The following CA8 variants were observed in gnomAD, a reference collection of about 807,000 sequenced individuals.
CA8 encodes the protein carbonic anhydrase 8 (inactive), also known as carbonic anhydrase-related protein.
In CA8, 22 loss-of-function variants were observed where a neutral mutation model predicts 41.4. The observed-to-expected ratio is 0.53, with a 90% CI of 0.38 to 0.76. The LOEUF is 0.76. Ranked by LOEUF, CA8 falls within the 30% of genes least tolerant of loss-of-function variation. CA8 has a pLI of 0.00. For synonymous variants in CA8, 121 were observed against 130.6 expected, an observed-to-expected ratio of 0.93 and a Z score of 0.50; for missense variants, 270 against 352.8, an observed-to-expected ratio of 0.77 and a Z score of 1.88.
intron 4 of CA8, among the ~76,000 whole-genome samples, chr8:60,230,523 A>C (rs1807607032): frequency 1.3e-5 from 2 of 150,964 alleles, no homozygotes; most frequent in African/African-American, 4.9e-5. Context: ...CTCCCTCCAA[A>C]TTTCTCTCAT....
At chr8:60,212,462 C>A (rs1325265395) in intron 7 of CA8, among the ~76,000 whole-genome samples, 1 of 152,198 alleles carries the variant, frequency 6.6e-6, no homozygotes, top group Admixed American at 6.5e-5. Flanking sequence ...GCTTAATGAA[C>A]ATGGGAGTGC....
chr8:60,275,715 T>C (rs1804210124), intron 2 of CA8, among the ~76,000 whole-genome samples: 1 of 152,068 alleles, frequency 6.6e-6, no homozygotes, highest in Non-Finnish European at 1.5e-5. Context: ...AAGACACAAT[T>C]ATCTTGACTG....
intron 2 of CA8, among the ~76,000 whole-genome samples, chr8:60,277,215 T>G (rs1804268494): frequency 6.6e-6 from 1 of 151,676 alleles, no homozygotes; most frequent in Non-Finnish European, 1.5e-5. Context: ...CATTATTATA[T>G]TCTTACATTC....
At chr8:60,206,381 A>G (rs1380730948) in intron 8 of CA8, among the ~76,000 whole-genome samples, 1 of 152,062 alleles carries the variant, frequency 6.6e-6, no homozygotes, top group Non-Finnish European at 1.5e-5. Context: ...GAGAGAGAGA[A>G]AATAATAATA....
chr8:60,221,788 A>T (rs891701733), intron 7 of CA8, among the ~76,000 whole-genome samples: 13 of 151,714 alleles, frequency 8.6e-5, no homozygotes, highest in African/African-American at 2.9e-4. Flanking sequence ...TGGAAGAAGG[A>T]TTTTTTTTTA....
chr8:60,238,896 C>G (rs1436526252), intron 3 of CA8, among the ~76,000 whole-genome samples: 1 of 152,066 alleles, frequency 6.6e-6, no homozygotes, highest in East Asian at 1.9e-4. Context: ...ACCTGTCCTC[C>G]TAGGCACTGA....
At chr8:60,263,541 C>A (rs1268270539) in intron 3 of CA8, among the ~76,000 whole-genome samples, 1 of 151,290 alleles carries the variant, frequency 6.6e-6, no homozygotes, top group Non-Finnish European at 1.5e-5. Context: ...AAACAAAAAA[C>A]AAAAAACACT....
At chr8:60,204,351 G>T (rs1563522430) in intron 8 of CA8, among the ~76,000 whole-genome samples, 1 of 152,126 alleles carries the variant, frequency 6.6e-6, no homozygotes, top group East Asian at 1.9e-4. Flanking sequence ...CGACATACAA[G>T]TTGGCCCATG....
chr8:60,269,254 C>T (rs75709683), intron 2 of CA8, among the ~76,000 whole-genome samples: 4,867 of 149,362 alleles, frequency 0.033, 180 homozygotes, highest in African/African-American at 0.094. Context: ...AATAAAAAAA[C>T]AAATCATCTC....
intron 7 of CA8, among the ~76,000 whole-genome samples, chr8:60,221,401 T>G (rs944353570): frequency 6.6e-6 from 1 of 152,224 alleles, no homozygotes; most frequent in African/African-American, 2.4e-5. Context: ...CAGGAAGGGT[T>G]TCTTTTTGTT....
chr8:60,263,561 A>T (rs1473906252), intron 3 of CA8, among the ~76,000 whole-genome samples: 2 of 152,120 alleles, frequency 1.3e-5, no homozygotes, highest in Non-Finnish European at 2.9e-5. Context: ...TGGAAAAAAA[A>T]CCATGTTCCC....
At chr8:60,274,212 T>C (rs1804157131) in intron 2 of CA8, among the ~76,000 whole-genome samples, 1 of 151,920 alleles carries the variant, frequency 6.6e-6, no homozygotes, top group Admixed American at 6.6e-5. Flanking sequence ...TACCTCCAGT[T>C]AGACAAGGAA....
rs888418710 is a variant in CA8, at chr8:60,187,034, T to C, written c.*2987A>G. ...CAGCATCCAACAACAGTACAATACA[T>C]ACTCTTAAGTACACATGGATTATTC... On this transcript the variant is annotated 3_prime_UTR_variant, in exon 9 of 9. Coordinates refer to ENST00000317995, the MANE Select transcript of CA8 (RefSeq NM_004056.6). 2.0e-5 allele frequency among the ~76,000 whole-genome samples: 3 copies of C among 152,054 alleles called. No homozygotes were observed. The highest frequency in any genetic ancestry group is 7.2e-5 in the African/African-American group (3 of 41,448).
At chr8:60,198,529 A>G (rs567579501) in intron 8 of CA8, among the ~76,000 whole-genome samples, 77 of 152,338 alleles carry the variant, frequency 5.1e-4, no homozygotes, top group African/African-American at 1.8e-3. Flanking sequence ...CAAACTAATT[A>G]GCAAAACTGT....
chr8:60,241,528 A>G (rs1808027630), intron 3 of CA8, among the ~76,000 whole-genome samples: 1 of 152,236 alleles, frequency 6.6e-6, no homozygotes, highest in Admixed American at 6.5e-5. Context: ...TCTTAGGAAC[A>G]GGGCTTTATA....
At chr8:60,219,467 T>G (rs1171390319) in intron 7 of CA8, among the ~76,000 whole-genome samples, 1 of 152,216 alleles carries the variant, frequency 6.6e-6, no homozygotes, top group African/African-American at 2.4e-5. Context: ...ATTCTGCTCT[T>G]TTTTTGATGC....
chr8:60,219,545 T>C (rs2130457000), intron 7 of CA8, among the ~76,000 whole-genome samples: 1 of 152,286 alleles, frequency 6.6e-6, no homozygotes, highest in Admixed American at 6.5e-5. Context: ...TCCAACTGTC[T>C]GAGAGAAACA....
intron 8 of CA8, among the ~76,000 whole-genome samples, chr8:60,207,224 C>G (rs1245813012): frequency 6.6e-6 from 1 of 152,184 alleles, no homozygotes; most frequent in Non-Finnish European, 1.5e-5. Context: ...TTACTTTGGC[C>G]CGTAACCTAA....
intron 3 of CA8, among the ~76,000 whole-genome samples, chr8:60,241,540 C>A (rs1307446624): frequency 6.6e-6 from 1 of 152,186 alleles, no homozygotes; most frequent in South Asian, 2.1e-4. Flanking sequence ...GGCTTTATAA[C>A]ACCATTGGAC....
Sources: gnomAD v4.1 joint callset for allele counts (sites outside exome capture counted in the v4.1 genomes callset) on GRCh38, gnomAD v4.1.1 for gene constraint, MANE v1.5 for transcripts, NCBI Gene and HGNC (gene_info 2026-07-23, HGNC 2026-07-21) for gene names.